The following ANK2 variants were observed in gnomAD, a reference collection of about 807,000 sequenced individuals.
The protein encoded by ANK2 is ankyrin-2.
A neutral mutation model predicts 360.5 loss-of-function variants in ANK2; 83 were observed. The observed-to-expected ratio is 0.23, with a 90% CI of 0.19 to 0.28. ANK2 has a LOEUF of 0.28. ANK2 is among the 10% of genes least tolerant of loss of function. The probability of loss-of-function intolerance (pLI) is 1.00; values close to 1 mark genes in which losing one functional copy is unlikely to be tolerated. For synonymous variants in ANK2, 1,740 were observed against 1,759.5 expected, an observed-to-expected ratio of 0.99 and a Z score of 0.28; for missense variants, 4,201 against 4,795.7, an observed-to-expected ratio of 0.88 and a Z score of 3.66.
At position 113,237,049 on chromosome 4, in the gene ANK2, C is replaced by T. The variant is rs1259929021; in HGVS notation, c.546C>T (p.Leu182=). Residue 182 remains leucine, a synonymous_variant, in exon 6 of 46, where the codon CTC becomes CTT. Coordinates refer to ENST00000357077, the MANE Select transcript of ANK2 (RefSeq NM_001148.6). ...GACACAACCAGGCGGTGGCCATCCT[C>T]TTGGAGAATGACACCAAAGGGAAAG... The part of the protein sequence containing the change: ...QQGHNQAVAI[L]LENDTKGKVR... 1.2e-6 allele frequency: 2 copies of T among 1,614,098 alleles called. No individual in the cohort carries two copies. Among genetic ancestry groups the T allele is most frequent in the East Asian group, 2.2e-5 (1 of 44,900 alleles).
rs35523454 is a variant in ANK2 at position 112,999,660 on chromosome 4, TAA to T, written c.21+95156_21+95157del. Among the ~76,000 whole-genome samples, 9 of 145,104 alleles carry T rather than the reference TAA, an allele frequency of 6.2e-5. No individual in the cohort carries two copies. In the East Asian group the frequency reaches 8.0e-4, roughly 13 times the overall value. On this transcript the variant is annotated intron_variant, in intron 2 of 30. Transcript: ENST00000503271. The stretch of plus-strand genomic sequence containing the variant: ...CACCAGTCCTTTTCCTCCTCCTCCT[TAA>T]AAAAAAAAAGCAACAAAAAAACCCA...
the ANK2 span, among the ~76,000 whole-genome samples, chr4:112,748,477 G>A: frequency 3.9e-5 from 6 of 152,154 alleles, no homozygotes; most frequent in Admixed American, 6.5e-5. Flanking sequence ...GAGAGGCATA[G>A]CTTAATGACA....
intron 1 of ANK2, among the ~76,000 whole-genome samples, chr4:112,854,262 G>T (rs2065775718): frequency 6.6e-6 from 1 of 151,646 alleles, no homozygotes; most frequent in African/African-American, 2.4e-5. Flanking sequence ...TGAAGGTTGT[G>T]TGGCTTGGAA....
intron 2 of ANK2, among the ~76,000 whole-genome samples, chr4:113,026,483 G>A (rs1489210845): frequency 4.6e-5 from 7 of 152,096 alleles, no homozygotes; most frequent in Admixed American, 3.9e-4. Context: ...TATCAACAAA[G>A]CATTTTAACT....
the ANK2 span, among the ~76,000 whole-genome samples, chr4:112,804,168 G>A: frequency 6.6e-6 from 1 of 152,162 alleles, no homozygotes; most frequent in South Asian, 2.1e-4. Context: ...ACAGGCGCCT[G>A]CCACCATGCC....
chr4:112,823,389 C>T (rs574277848), intron 1 of ANK2, among the ~76,000 whole-genome samples: 1 of 152,256 alleles, frequency 6.6e-6, no homozygotes, highest in East Asian at 1.9e-4. Context: ...GCATGTGTGA[C>T]ATTTCTAAAT....
the ANK2 span, among the ~76,000 whole-genome samples, chr4:112,787,076 T>G: frequency 6.6e-6 from 1 of 152,198 alleles, no homozygotes; most frequent in Non-Finnish European, 1.5e-5. Flanking sequence ...TTCCCGCTAT[T>G]CAAGTCACAT....
At chr4:113,193,977 C>T (rs1246715336) in intron 2 of ANK2, among the ~76,000 whole-genome samples, 1 of 152,126 alleles carries the variant, frequency 6.6e-6, no homozygotes, top group Non-Finnish European at 1.5e-5. Flanking sequence ...CAAAGCAGGG[C>T]AGACAGAGAT....
chr4:112,746,497 G>GCTTATCAC, the ANK2 span, among the ~76,000 whole-genome samples: 1 of 125,564 alleles, frequency 8.0e-6, no homozygotes, highest in African/African-American at 3.2e-5. Flanking sequence ...AACCGAGTGA[G>GCTTATCAC]ATGCTGTCTC....
intron 18 of ANK2, among the ~76,000 whole-genome samples, chr4:113,287,192 T>G (rs559910110): frequency 6.6e-6 from 1 of 152,354 alleles, no homozygotes; most frequent in South Asian, 2.1e-4. Context: ...GATATTTTGT[T>G]GATAAAATAT....
At chr4:112,829,489 T>G (rs1306062226) in intron 1 of ANK2, among the ~76,000 whole-genome samples, 1 of 16,418 alleles carries the variant, frequency 6.1e-5, no homozygotes, top group African/African-American at 6.4e-4. Context: ...AGCCCATCTC[T>G]ACAAAAAAAA....
intron 1 of ANK2, among the ~76,000 whole-genome samples, chr4:113,154,943 A>T (rs1356404273): frequency 6.6e-6 from 1 of 152,232 alleles, no homozygotes; most frequent in African/African-American, 2.4e-5. Context: ...GGTCTTAACC[A>T]CTTCATCTGG....
At chr4:113,380,254 TAA>T (rs11307685) in intron 45 of ANK2, among the ~76,000 whole-genome samples, 3 of 143,542 alleles carry the variant, frequency 2.1e-5, no homozygotes, top group African/African-American at 2.6e-5. Context: ...TACTTTACTC[TAA>T]AAAAAAAAAG....
intron 1 of ANK2, among the ~76,000 whole-genome samples, chr4:112,886,625 G>A (rs2078458807): frequency 6.6e-6 from 1 of 152,156 alleles, no homozygotes; most frequent in South Asian, 2.1e-4. Flanking sequence ...TAGCGCCACT[G>A]CACTCCAGCT....
At chr4:113,144,800 A>C (rs2096767453) in intron 1 of ANK2, among the ~76,000 whole-genome samples, 1 of 146,982 alleles carries the variant, frequency 6.8e-6, no homozygotes, top group South Asian at 2.1e-4. Flanking sequence ...ATAATATATA[A>C]AAATTTATAT....
chr4:113,343,260 A>G (rs762062559), intron 34 of ANK2, 118 bp downstream of exon 34: 4 of 1,189,444 alleles, frequency 3.4e-6, no homozygotes, highest in Non-Finnish European at 3.6e-6. Context: ...CTTTTTAACC[A>G]TATTTGTAAC....
chr4:113,023,644 A>G lies in ANK2; in HGVS notation c.21+119130A>G, dbSNP rs550679698. 8.5e-4 allele frequency among the ~76,000 whole-genome samples: 129 copies of G among 152,244 alleles called. 1 individual carries two copies. The highest frequency in any genetic ancestry group is 5.1e-4 in the Non-Finnish European group (35 of 68,016). On this transcript the variant is annotated intron_variant, in intron 2 of 30. Coordinates refer to the ANK2 transcript ENST00000503271. Reference sequence around the variant, plus strand: ...CTTATCATATGTTGCCTGTATCTCCACCGGCAACATTTCATCTTCATTTAT... The same window carrying G: ...CTTATCATATGTTGCCTGTATCTCCGCCGGCAACATTTCATCTTCATTTAT...
intron 1 of ANK2, among the ~76,000 whole-genome samples, chr4:113,116,312 A>G (rs970667101): frequency 6.6e-6 from 1 of 151,982 alleles, no homozygotes; most frequent in South Asian, 2.1e-4. Flanking sequence ...CCTCTTTCCC[A>G]TTCTCTATCC....
At chr4:113,121,360 GATT>G (rs2095342315) in intron 1 of ANK2, among the ~76,000 whole-genome samples, 1 of 152,140 alleles carries the variant, frequency 6.6e-6, no homozygotes, top group Non-Finnish European at 1.5e-5. Flanking sequence ...ACTGGGTGTA[GATT>G]ATAAGGAAAT....
Sources: allele counts gnomAD v4.1 joint callset (sites outside exome capture counted in the v4.1 genomes callset), GRCh38; gene constraint gnomAD v4.1.1; transcripts MANE v1.5; gene names NCBI Gene and HGNC (gene_info 2026-07-23, HGNC 2026-07-21).